ELAPOR2: variants seen among roughly 807,000 people sequenced by gnomAD.
The protein encoded by ELAPOR2 is endosome-lysosome associated apoptosis and autophagy regulator family member 2.
A neutral mutation model predicts 120.7 loss-of-function variants in ELAPOR2; 89 were observed. The ratio of observed to expected loss-of-function variants is 0.74; its 90% CI spans 0.62 to 0.88. The LOEUF (loss-of-function observed/expected upper bound fraction) is 0.88, where lower values mean the gene tolerates loss of function less well. Ranked by LOEUF, ELAPOR2 falls within the 40% of genes least tolerant of loss-of-function variation. The probability of loss-of-function intolerance (pLI) is 0.00; values close to 1 mark genes in which losing one functional copy is unlikely to be tolerated. For missense variants in ELAPOR2, 1,134 were observed against 1,251.6 expected (o/e 0.91, Z 1.42); for synonymous variants, 444 against 444.9 (o/e 1.00, Z 0.03).
At chr7:87,029,061 A>T (rs1794342119) in intron 1 of ELAPOR2, among the ~76,000 whole-genome samples, 1 of 152,182 alleles carries the variant, frequency 6.6e-6, no homozygotes, top group African/African-American at 2.4e-5. Context: ...TTAGATAGAC[A>T]CACATCCCTA....
chr7:86,918,189 C>A (rs1184073333), intron 12 of ELAPOR2, among the ~76,000 whole-genome samples: 5 of 151,630 alleles, frequency 3.3e-5, no homozygotes, highest in Non-Finnish European at 5.9e-5. Context: ...ATTCCCTGGC[C>A]TCTATCAGTC....
chr7:86,999,773 T>G (rs1018487357), intron 1 of ELAPOR2, among the ~76,000 whole-genome samples: 4 of 152,172 alleles, frequency 2.6e-5, no homozygotes, highest in Non-Finnish European at 5.9e-5. Flanking sequence ...ACAGATTCTA[T>G]TCCTCCATGT....
At chr7:87,017,049 T>C (rs1241407295) in intron 1 of ELAPOR2, among the ~76,000 whole-genome samples, 1 of 152,136 alleles carries the variant, frequency 6.6e-6, no homozygotes, top group Admixed American at 6.6e-5. Context: ...AGATGAATTA[T>C]CACAGAAAAA....
intron 1 of ELAPOR2, among the ~76,000 whole-genome samples, chr7:87,016,612 T>C (rs895745322): frequency 9.3e-5 from 14 of 150,866 alleles, no homozygotes; most frequent in African/African-American, 3.4e-4. Flanking sequence ...GAACTGACCA[T>C]ACTGAAGTAT....
At chr7:86,983,446 G>T (rs1333542830) in intron 1 of ELAPOR2, among the ~76,000 whole-genome samples, 1 of 152,156 alleles carries the variant, frequency 6.6e-6, no homozygotes, top group Non-Finnish European at 1.5e-5. Context: ...AGAAGGTCGG[G>T]TTACCCACAA....
intron 18 of ELAPOR2, among the ~76,000 whole-genome samples, chr7:86,902,093 T>A (rs73382375): frequency 1.3e-5 from 2 of 152,148 alleles, no homozygotes; most frequent in African/African-American, 4.8e-5. Flanking sequence ...GCTTGCTCTC[T>A]GCTTCATAGA....
intron 2 of ELAPOR2, among the ~76,000 whole-genome samples, chr7:86,958,916 G>C (rs928156847): frequency 1.3e-5 from 2 of 152,152 alleles, no homozygotes; most frequent in African/African-American, 4.8e-5. Flanking sequence ...AGATGACTTT[G>C]AGTAGTAAGA....
chr7:86,998,780 A>G (rs980617374), intron 1 of ELAPOR2, among the ~76,000 whole-genome samples: 4 of 151,780 alleles, frequency 2.6e-5, no homozygotes, highest in African/African-American at 4.8e-5. Context: ...ATTCTGATCA[A>G]TTTTTCATAA....
At chr7:87,039,451 T>G (rs1794690696) in intron 1 of ELAPOR2, among the ~76,000 whole-genome samples, 1 of 151,798 alleles carries the variant, frequency 6.6e-6, no homozygotes, top group South Asian at 2.1e-4. Context: ...CAAAGACACA[T>G]AATAAAAAAA....
rs1470282336 is a variant in ELAPOR2, at chr7:86,905,766, A to C, written c.2558+1904T>G. 2.6e-5 allele frequency among the ~76,000 whole-genome samples: 4 copies of C among 152,114 alleles called. No individual in the cohort carries two copies. In the East Asian group the frequency reaches 5.8e-4, roughly 22 times the overall value. ...ATCTAAGATTCTATATTTTTAGGGA[A>C]GGCCCAGAAATTAATTTTTTAAATA... On this transcript the variant is annotated intron_variant, in intron 18 of 21. Coordinates refer to ENST00000450689, the MANE Select transcript of ELAPOR2 (RefSeq NM_001142749.3).
chr7:86,918,323 CAAAAAAA>C (rs370415220), intron 12 of ELAPOR2, 112 bp downstream of exon 12: 2,850 of 173,808 alleles, frequency 0.016, 13 homozygotes, highest in African/African-American at 0.044. Context: ...CTAAGAATAG[CAAAAAAA>C]AAAAAAAAAA....
At chr7:86,909,039 C>CT (rs909002432) in intron 16 of ELAPOR2, among the ~76,000 whole-genome samples, 15 of 151,778 alleles carry the variant, frequency 9.9e-5, no homozygotes, top group Admixed American at 9.2e-4. Flanking sequence ...AAAACTAAGG[C>CT]TTTTTTTCCC....
At chr7:86,961,454 T>C (rs976706750) in intron 2 of ELAPOR2, among the ~76,000 whole-genome samples, 3 of 152,276 alleles carry the variant, frequency 2.0e-5, no homozygotes, top group African/African-American at 4.8e-5. Context: ...GAGTTCCAGA[T>C]TGTCTGAAAA....
intron 2 of ELAPOR2, among the ~76,000 whole-genome samples, chr7:86,957,028 C>T (rs1052145461): frequency 5.9e-5 from 9 of 152,168 alleles, no homozygotes; most frequent in African/African-American, 2.2e-4. Flanking sequence ...CTCATCTCCT[C>T]ATAAAACACT....
intron 5 of ELAPOR2, among the ~76,000 whole-genome samples, chr7:86,940,475 C>A (rs889917832): frequency 1.3e-5 from 2 of 151,864 alleles, no homozygotes; most frequent in African/African-American, 4.8e-5. Context: ...TATAAGTTGC[C>A]ACTATTTATA....
chr7:86,946,288 C>T (rs1791005503), intron 3 of ELAPOR2, among the ~76,000 whole-genome samples: 1 of 152,036 alleles, frequency 6.6e-6, no homozygotes, highest in African/African-American at 2.4e-5. Context: ...AAATATACTA[C>T]TGGTGGGAGT....
rs1449144977 is a variant in ELAPOR2 at position 86,897,519 on chromosome 7, T to C, written c.2672A>G (p.Lys891Arg). The part of the protein sequence containing the change: ...HDFHEIEGAC[K>R]RGFQETLYVW... ...TTTATCCCTTACCTGAAATCCTCTC[T>C]TGCAGGCTCCCTCAATCTCATGGAA... The change falls in exon 19 of 22, where the codon AAG becomes AGG. Residue 891 changes from lysine to arginine, a missense_variant. This residue lies in a region of ELAPOR2 where 831 missense variants were observed against 867.6 expected (regional missense o/e 0.96). Coordinates refer to ENST00000450689, the MANE Select transcript of ELAPOR2 (RefSeq NM_001142749.3). The C allele has an allele frequency of 2.5e-6, 4 of 1,612,924 alleles. No individual in the cohort carries two copies. Among genetic ancestry groups the C allele is most frequent in the Non-Finnish European group, 3.4e-6 (4 of 1,179,310 alleles).
chr7:86,903,759 G>C (rs1788831323), intron 18 of ELAPOR2, among the ~76,000 whole-genome samples: 1 of 152,108 alleles, frequency 6.6e-6, no homozygotes, highest in Admixed American at 6.6e-5. Flanking sequence ...GGAGGTTTTG[G>C]CAAAACAATT....
chr7:86,897,567 C>A lies in ELAPOR2; in HGVS notation c.2624G>T (p.Cys875Phe). ...FYFLWESAEA[C>F]PLCTEHDFHE... Reference sequence around the variant, plus strand: ...GAAGTCATGCTCCGTACACAGAGGGCAAGCTTCAGCACTCTCCCACAGGAA... The same window carrying A: ...GAAGTCATGCTCCGTACACAGAGGGAAAGCTTCAGCACTCTCCCACAGGAA... The change falls in exon 19 of 22, where the codon TGC becomes TTC. Residue 875 changes from cysteine to phenylalanine, a missense_variant. Cys to Phe is a radical substitution (Grantham distance 205, BLOSUM62 -2). This residue lies in a region of ELAPOR2 where 831 missense variants were observed against 867.6 expected (regional missense o/e 0.96). Transcript: ENST00000450689. 1.2e-6 allele frequency: 2 copies of A among 1,613,326 alleles called. No homozygotes were observed. The highest frequency in any genetic ancestry group is 8.5e-7 in the Non-Finnish European group (1 of 1,179,508).
Sources: gnomAD v4.1 joint callset for allele counts (sites outside exome capture counted in the v4.1 genomes callset) on GRCh38, gnomAD v4.1.1 for gene constraint, gnomAD v4.1.1 regional missense constraint, MANE v1.5 for transcripts, NCBI Gene and HGNC (gene_info 2026-07-23, HGNC 2026-07-21) for gene names.